Variants in SH3RF3 observed in about 807,000 individuals in gnomAD.
The protein encoded by SH3RF3 is SH3 domain containing ring finger 3.
In SH3RF3, 29 loss-of-function variants were observed where a neutral mutation model predicts 66.3. That is an observed-to-expected ratio of 0.44 (90% CI 0.33 to 0.60). The LOEUF (loss-of-function observed/expected upper bound fraction) is 0.60, where lower values mean the gene tolerates loss of function less well. SH3RF3 is among the 20% of genes least tolerant of loss of function. SH3RF3 has a pLI of 0.04. For synonymous variants in SH3RF3, 583 were observed against 532.0 expected, an observed-to-expected ratio of 1.10 and a Z score of -1.32; for missense variants, 1,194 against 1,190.9, an observed-to-expected ratio of 1.00 and a Z score of -0.04.
chr2:109,406,979 G>C (rs1311444463), intron 4 of SH3RF3, among the ~76,000 whole-genome samples: 6 of 152,196 alleles, frequency 3.9e-5, no homozygotes, highest in Non-Finnish European at 8.8e-5. Context: ...ACAGAAGTTG[G>C]GAAGCTTCAA....
At chr2:109,246,356 A>T (rs539413739) in intron 1 of SH3RF3, among the ~76,000 whole-genome samples, 1 of 152,252 alleles carries the variant, frequency 6.6e-6, no homozygotes, top group Admixed American at 6.5e-5. Flanking sequence ...CTCCCATGGT[A>T]GAGGGGGCAA....
At position 109,378,923 on chromosome 2, in the gene SH3RF3, T is replaced by C. The variant is rs973667231; in HGVS notation, c.945+7242T>C. Among the ~76,000 whole-genome samples the C allele has an allele frequency of 1.3e-4, 20 of 152,346 alleles. No homozygotes were observed. In the South Asian group the frequency reaches 2.3e-3, roughly 17 times the overall value. On this transcript the variant is annotated intron_variant, in intron 3 of 9. Transcript: ENST00000309415. ...CTCAGCTGAAGACTCCAGGGGACTT[T>C]CTGCAGATCTCCAGGACTGTCTCTC...
intron 7 of SH3RF3, among the ~76,000 whole-genome samples, chr2:109,446,763 C>T (rs1677715680): frequency 1.8e-5 from 2 of 114,054 alleles, no homozygotes; most frequent in South Asian, 5.7e-4. Context: ...CTGGAACACA[C>T]TCCCTCTCTT....
intron 1 of SH3RF3, among the ~76,000 whole-genome samples, chr2:109,276,769 A>G (rs1278619653): frequency 6.6e-6 from 1 of 152,122 alleles, no homozygotes; most frequent in Non-Finnish European, 1.5e-5. Context: ...GTTTCTAGAG[A>G]AAACAGTTTT....
intron 1 of SH3RF3, among the ~76,000 whole-genome samples, chr2:109,249,194 C>T (rs1461441000): frequency 1.3e-5 from 2 of 152,220 alleles, no homozygotes; most frequent in Non-Finnish European, 2.9e-5. Flanking sequence ...GAACTACACT[C>T]GTTAACTTCA....
chr2:109,144,436 A>G (rs892064561), intron 1 of SH3RF3, among the ~76,000 whole-genome samples: 2 of 152,222 alleles, frequency 1.3e-5, no homozygotes, highest in Non-Finnish European at 2.9e-5. Context: ...TGACGTCTCT[A>G]GGTTTGTTCT....
chr2:109,465,280 AC>A (rs1226628997), intron 8 of SH3RF3, among the ~76,000 whole-genome samples: 3 of 152,230 alleles, frequency 2.0e-5, no homozygotes, highest in African/African-American at 7.2e-5. Context: ...GCCGCTATAA[AC>A]ATCTTGTGTG....
intron 7 of SH3RF3, among the ~76,000 whole-genome samples, chr2:109,440,426 C>T (rs116146735): frequency 2.6e-3 from 394 of 152,226 alleles, no homozygotes; most frequent in African/African-American, 8.7e-3. Context: ...TTCTAGACCA[C>T]GTAAGGAATT....
chr2:109,192,253 C>T (rs1678386097), intron 1 of SH3RF3, among the ~76,000 whole-genome samples: 1 of 152,172 alleles, frequency 6.6e-6, no homozygotes, highest in Non-Finnish European at 1.5e-5. Context: ...CTGTCCCTGG[C>T]ACTGCAGCTC....
intron 1 of SH3RF3, among the ~76,000 whole-genome samples, chr2:109,228,360 G>A (rs557136565): frequency 6.6e-6 from 1 of 152,272 alleles, no homozygotes; most frequent in East Asian, 1.9e-4. Context: ...TGGGATGTGT[G>A]TTCTATTTCC....
intron 3 of SH3RF3, among the ~76,000 whole-genome samples, chr2:109,390,392 C>T (rs934175746): frequency 1.3e-5 from 2 of 152,146 alleles, no homozygotes; most frequent in African/African-American, 4.8e-5. Flanking sequence ...GCTCCTGGTA[C>T]TTTTATGGAC....
rs192184768 is a variant in SH3RF3, at chr2:109,466,317, G to A, written c.2148+16828G>A. Among the ~76,000 whole-genome samples the A allele has an allele frequency of 3.4e-3, 524 of 152,126 alleles. 18 individuals carry two copies. In the East Asian group the frequency reaches 0.061, roughly 18 times the overall value. The stretch of plus-strand genomic sequence containing the variant: ...AGGATGGTCTTGATCTCCTGACCTC[G>A]TGACCTGCCCGCCTCGGCCTCCCAA... On this transcript the variant is annotated intron_variant, in intron 8 of 9. Coordinates refer to ENST00000309415, the MANE Select transcript of SH3RF3 (RefSeq NM_001099289.3).
chr2:109,382,323 C>G (rs1386406872), intron 3 of SH3RF3, among the ~76,000 whole-genome samples: 4 of 152,188 alleles, frequency 2.6e-5, no homozygotes, highest in Non-Finnish European at 5.9e-5. Context: ...GGGAAAGCTG[C>G]AGGCCCAGCC....
At position 109,394,183 on chromosome 2, in the gene SH3RF3, G is replaced by A. The variant is rs150396240; in HGVS notation, c.946-4407G>A. 7.3e-3 allele frequency among the ~76,000 whole-genome samples: 1,111 copies of A among 152,350 alleles called. 13 individuals carry two copies. Among genetic ancestry groups the A allele is most frequent in the East Asian group, 0.052 (271 of 5,188 alleles). ...TCTTACCTTTCTAGACAGTTCTGTG[G>A]TTGGAAAGTGGTTGTGGAAGAAAAT... On this transcript the variant is annotated intron_variant, in intron 3 of 9. Transcript: ENST00000309415.
intron 8 of SH3RF3, among the ~76,000 whole-genome samples, chr2:109,452,575 G>A (rs910419096): frequency 3.3e-5 from 5 of 152,216 alleles, no homozygotes; most frequent in Admixed American, 1.3e-4. Flanking sequence ...CCTGGGCGCC[G>A]TAGAGTAGGG....
intron 2 of SH3RF3, among the ~76,000 whole-genome samples, chr2:109,349,785 G>A (rs886463706): frequency 3.3e-5 from 5 of 152,228 alleles, no homozygotes; most frequent in Admixed American, 2.0e-4. Context: ...GGGCAGAAGT[G>A]ACTGCCTGCC....
chr2:109,417,565 G>A (rs376251576), intron 4 of SH3RF3, among the ~76,000 whole-genome samples: 2 of 152,166 alleles, frequency 1.3e-5, no homozygotes, highest in Non-Finnish European at 2.9e-5. Context: ...ACAGGACCCC[G>A]ACAGCCTCTG....
rs1210704994 is a variant in SH3RF3, at chr2:109,130,113, GGTGA to G, written c.573+3_573+6del. 1.7e-5 allele frequency: 22 copies of G among 1,310,608 alleles called. No homozygotes were observed. The highest frequency in any genetic ancestry group is 1.7e-5 in the Non-Finnish European group (18 of 1,033,882). The allele number at this position is 1,310,608 out of a possible 1,614,324, so 81.2% of individuals were successfully genotyped here. ...CCAGCAGGACCGCGCCGGCGGCAAAGGTGAGTATCTGTCTCGGCGGAAGTGGCCA... is the reference window on the plus strand; with the variant it reads ...CCAGCAGGACCGCGCCGGCGGCAAAGGTATCTGTCTCGGCGGAAGTGGCCA... On this transcript the variant is annotated splice_donor_variant and splice_donor_region_variant and intron_variant, in intron 1 of 9. Transcript: ENST00000309415. LOFTEE classifies it high-confidence loss of function.
chr2:109,463,128 G>C (rs1678250678), intron 8 of SH3RF3, among the ~76,000 whole-genome samples: 1 of 152,142 alleles, frequency 6.6e-6, no homozygotes, highest in African/African-American at 2.4e-5. Context: ...TTGATTGAAG[G>C]GTTGTGACTC....
Sources: allele counts gnomAD v4.1 joint callset (sites outside exome capture counted in the v4.1 genomes callset), GRCh38; gene constraint gnomAD v4.1.1; transcripts MANE v1.5; gene names NCBI Gene and HGNC (gene_info 2026-07-23, HGNC 2026-07-21).